ENOX1: variants seen among roughly 807,000 people sequenced by gnomAD.
ENOX1 encodes the protein ecto-NOX disulfide-thiol exchanger 1, also known as candidate growth-related and time keeping constitutive hydroquinone (NADH) oxidase.
A neutral mutation model predicts 82.5 loss-of-function variants in ENOX1; 42 were observed. The observed-to-expected ratio is 0.51, with a 90% CI of 0.40 to 0.66. The LOEUF is 0.66. Ranked by LOEUF, ENOX1 falls within the 30% of genes least tolerant of loss-of-function variation. ENOX1 has a pLI of 0.00. For missense variants in ENOX1, 608 were observed against 811.6 expected (o/e 0.75, Z 3.05); for synonymous variants, 271 against 282.2 (o/e 0.96, Z 0.40).
intron 5 of ENOX1, among the ~76,000 whole-genome samples, chr13:43,380,917 T>G (rs2051996816): frequency 1.3e-5 from 2 of 151,850 alleles, no homozygotes; most frequent in Admixed American, 1.3e-4. Context: ...AAATAAAAAC[T>G]AATAAAATGG....
At chr13:43,510,826 T>C (rs1199743866) in intron 2 of ENOX1, among the ~76,000 whole-genome samples, 3 of 152,114 alleles carry the variant, frequency 2.0e-5, no homozygotes, top group Non-Finnish European at 4.4e-5. Flanking sequence ...CTTATAGGGT[T>C]GTGATAATTA....
chr13:43,368,209 GCA>G (rs551202283), intron 5 of ENOX1, among the ~76,000 whole-genome samples: 102 of 152,304 alleles, frequency 6.7e-4, no homozygotes, highest in Admixed American at 1.4e-3. Context: ...TGCCTGCCGT[GCA>G]CACTTTATAA....
intron 2 of ENOX1, among the ~76,000 whole-genome samples, chr13:43,586,792 C>T (rs972287974): frequency 3.3e-5 from 5 of 152,014 alleles, no homozygotes; most frequent in African/African-American, 7.2e-5. Flanking sequence ...GTAAAAGAGG[C>T]GGTGGCTCAC....
rs142656952 is a variant in ENOX1, at chr13:43,239,210, A to T, written c.1612-2472T>A. On this transcript the variant is annotated intron_variant, in intron 14 of 16. Coordinates refer to ENST00000690772, the MANE Select transcript of ENOX1 (RefSeq NM_001347969.2). ...TGGAGTGTGTGCTCTGCTGACCACA[A>T]ATGGTGTGTTCTCATGCAGTCATGG... Among the ~76,000 whole-genome samples the T allele has an allele frequency of 2.0e-3, 298 of 152,276 alleles. 1 individual carries two copies. The highest frequency in any genetic ancestry group is 6.8e-3 in the African/African-American group (281 of 41,570).
intron 1 of ENOX1, among the ~76,000 whole-genome samples, chr13:43,749,221 T>C (rs1182749890): frequency 7.9e-5 from 12 of 152,216 alleles, no homozygotes; most frequent in Admixed American, 2.0e-4. Flanking sequence ...GCCACATTAA[T>C]CATACTATTT....
intron 2 of ENOX1, among the ~76,000 whole-genome samples, chr13:43,614,804 G>C (rs560308838): frequency 6.6e-6 from 1 of 152,052 alleles, no homozygotes; most frequent in East Asian, 1.9e-4. Flanking sequence ...AGAATGATGC[G>C]GGATGTGGAC....
chr13:43,626,474 C>T (rs1289136750), intron 2 of ENOX1, among the ~76,000 whole-genome samples: 1 of 151,776 alleles, frequency 6.6e-6, no homozygotes, highest in Non-Finnish European at 1.5e-5. Flanking sequence ...CTCATCACTG[C>T]TTTATCTACC....
At position 43,616,204 on chromosome 13, in the gene ENOX1, A is replaced by ATATATATATATATATTTTTTT. The variant is rs1457149422; in HGVS notation, c.-219+51274_-219+51275insAAAAAAATATATATATATATA. Among the ~76,000 whole-genome samples the ATATATATATATATATTTTTTT allele has an allele frequency of 9.1e-4, 14 of 15,316 alleles. 1 individual carries two copies. Among genetic ancestry groups the ATATATATATATATATTTTTTT allele is most frequent in the Non-Finnish European group, 2.1e-3 (10 of 4,804 alleles). The allele number at this position is 15,316 out of a possible 152,430, so 10.0% of individuals were successfully genotyped here. On this transcript the variant is annotated intron_variant, in intron 2 of 16. Coordinates refer to ENST00000690772, the MANE Select transcript of ENOX1 (RefSeq NM_001347969.2). ...TATCTATCTATATATATATATATAT[A>ATATATATATATATATTTTTTT]TTTTTTTTTTTTTTTTAGGACGGAG...
rs527973059 is a variant in ENOX1, at chr13:43,393,183, A to C, written c.208+18733T>G. 5.3e-5 allele frequency among the ~76,000 whole-genome samples: 8 copies of C among 152,374 alleles called. No homozygotes were observed. In the South Asian group the frequency reaches 1.2e-3, roughly 24 times the overall value. ...AGTTCATTTTCAGCCAAAACACAAT[A>C]GTACTTTGCTCCTTTGGCTAGAAGT... On this transcript the variant is annotated intron_variant, in intron 5 of 16. Transcript: ENST00000690772.
intron 2 of ENOX1, among the ~76,000 whole-genome samples, chr13:43,640,678 C>T (rs529116687): frequency 2.6e-5 from 4 of 152,232 alleles, no homozygotes; most frequent in African/African-American, 9.6e-5. Flanking sequence ...CTCCACCCAC[C>T]TACACAAAGA....
chr13:43,508,007 C>A (rs928179718), intron 2 of ENOX1, among the ~76,000 whole-genome samples: 8 of 151,686 alleles, frequency 5.3e-5, no homozygotes, highest in Non-Finnish European at 1.0e-4. Flanking sequence ...ATTATATCAA[C>A]CTTAATAATT....
At chr13:43,454,709 G>C (rs1001028077) in intron 3 of ENOX1, among the ~76,000 whole-genome samples, 2 of 152,120 alleles carry the variant, frequency 1.3e-5, no homozygotes, top group Non-Finnish European at 2.9e-5. Context: ...AGTAGTAAAA[G>C]AGTATGCGTT....
intron 10 of ENOX1, among the ~76,000 whole-genome samples, chr13:43,324,528 A>G (rs2047998532): frequency 6.6e-6 from 1 of 152,214 alleles, no homozygotes; most frequent in African/African-American, 2.4e-5. Flanking sequence ...CTGAGAAATC[A>G]TCCACAATGT....
At chr13:43,500,375 T>C (rs1593507402) in intron 2 of ENOX1, among the ~76,000 whole-genome samples, 3 of 152,090 alleles carry the variant, frequency 2.0e-5, no homozygotes, top group Admixed American at 2.0e-4. Context: ...CATACAACTA[T>C]TAGCAGATTT....
At chr13:43,243,613 C>T (rs755324623) in intron 14 of ENOX1, among the ~76,000 whole-genome samples, 7 of 152,164 alleles carry the variant, frequency 4.6e-5, no homozygotes, top group Admixed American at 1.3e-4. Context: ...CCATTTTAAC[C>T]GCTGCAGGAA....
chr13:43,282,550 A>C (rs528104910), intron 12 of ENOX1, among the ~76,000 whole-genome samples: 1 of 150,896 alleles, frequency 6.6e-6, no homozygotes, highest in African/African-American at 2.4e-5. Flanking sequence ...GATCCTCCTG[A>C]GTAGCTGGAA....
chr13:43,651,707 T>C (rs1430880652), intron 2 of ENOX1, among the ~76,000 whole-genome samples: 4 of 78,696 alleles, frequency 5.1e-5, no homozygotes, highest in South Asian at 4.0e-4. Flanking sequence ...AAAAAAAAAA[T>C]CACACCTATA....
intron 5 of ENOX1, among the ~76,000 whole-genome samples, chr13:43,410,965 C>T (rs1191045898): frequency 6.6e-5 from 10 of 152,200 alleles, no homozygotes; most frequent in African/African-American, 9.7e-5. Context: ...GGAGCCCCTG[C>T]ACCAGACAGC....
intron 2 of ENOX1, among the ~76,000 whole-genome samples, chr13:43,616,137 T>TATAG (rs2082427257): frequency 2.9e-4 from 4 of 13,842 alleles, no homozygotes; most frequent in African/African-American, 5.9e-4. Context: ...TATCTATCTA[T>TATAG]CTAGATATCT....
Sources: allele counts gnomAD v4.1 joint callset (sites outside exome capture counted in the v4.1 genomes callset), GRCh38; gene constraint gnomAD v4.1.1; transcripts MANE v1.5; gene names NCBI Gene and HGNC (gene_info 2026-07-23, HGNC 2026-07-21).